The following DMD variants were observed in gnomAD, a reference collection of about 807,000 sequenced individuals.
DMD encodes dystrophin, also known as mutant dystrophin.
In DMD, 63 loss-of-function variants were observed where a neutral mutation model predicts 330.1. That is an observed-to-expected ratio of 0.19 (90% CI 0.16 to 0.24). DMD has a LOEUF of 0.24. Among genes scored for constraint, DMD ranks in the 10% least tolerant of loss-of-function variants. The probability of loss-of-function intolerance (pLI) is 1.00; values close to 1 mark genes in which losing one functional copy is unlikely to be tolerated. For missense variants in DMD, 3,344 were observed against 2,684.1 expected (o/e 1.25, Z -5.43); for synonymous variants, 1,223 against 959.8 (o/e 1.27, Z -5.07).
chrX:31,172,610 A>G (rs1284724857), intron 72 of DMD, among the ~76,000 whole-genome samples, 197 bp from the exon 73 acceptor site: 1 of 111,984 alleles, frequency 8.9e-6, no homozygotes, highest in South Asian at 3.7e-4. Context: ...GTAGCACTAC[A>G]TTTATGATAG....
chrX:33,108,358 T>G (rs2095309194), intron 1 of DMD, among the ~76,000 whole-genome samples: 1 of 110,917 alleles, frequency 9.0e-6, no homozygotes, highest in Non-Finnish European at 1.9e-5. Context: ...CCTCTGCCTC[T>G]CGGTTTCAAG....
At chrX:32,766,651 A>G (rs999455002) in intron 7 of DMD, among the ~76,000 whole-genome samples, 2 of 111,346 alleles carry the variant, frequency 1.8e-5, no homozygotes, top group African/African-American at 6.5e-5. Flanking sequence ...AGCTTATAAA[A>G]TTTTTGCATA....
In DMD at chrX:32,679,328, G is replaced by T. The variant is rs751982172; in HGVS notation, c.960+18542C>A. Among the ~76,000 whole-genome samples, 30 of 109,141 alleles carry T rather than the reference G, an allele frequency of 2.7e-4. No individual in the cohort carries two copies. The East Asian group carries it at 2.8e-3, about 10-fold the overall frequency. The allele number at this position is 109,141 out of a possible 115,157, so 94.8% of individuals were successfully genotyped here. ...AAAAACAATAGAAAATAGTAACAAC[G>T]AGGTTTTGGTTTTTTTTTTTGTGAA... On this transcript the variant is annotated intron_variant, in intron 9 of 78. Coordinates refer to ENST00000357033, the MANE Select transcript of DMD (RefSeq NM_004006.3).
intron 60 of DMD, among the ~76,000 whole-genome samples, chrX:31,351,529 C>A (rs371831495): frequency 9.2e-6 from 1 of 108,968 alleles, no homozygotes; most frequent in African/African-American, 3.4e-5. Flanking sequence ...AGTTCGAGAC[C>A]GGTCTGGCCA....
chrX:32,787,239 TGTGTGTGTGA>T (rs759365332), intron 7 of DMD, among the ~76,000 whole-genome samples: 3,397 of 101,966 alleles, frequency 0.033, 73 homozygotes, highest in Middle Eastern at 0.063. Flanking sequence ...TGTGTGTGTG[TGTGTGTGTGA>T]GAGAGAGAGA....
intron 7 of DMD, among the ~76,000 whole-genome samples, chrX:32,721,776 G>A (rs2066344883): frequency 9.0e-6 from 1 of 110,714 alleles, no homozygotes. Flanking sequence ...GACTGTCAGA[G>A]AGCTTTTTCC....
intron 45 of DMD, among the ~76,000 whole-genome samples, chrX:31,951,143 G>GTATGTATATATA (rs1569521262): frequency 1.3e-4 from 10 of 74,323 alleles, no homozygotes; most frequent in African/African-American, 6.2e-4. Context: ...ATATATATGT[G>GTATGTATATATA]TATATATATA....
intron 44 of DMD, among the ~76,000 whole-genome samples, chrX:32,120,086 A>C (rs1043366787): frequency 8.9e-6 from 1 of 112,308 alleles, no homozygotes; most frequent in African/African-American, 3.2e-5. Flanking sequence ...CAGACATTAA[A>C]TTTTCAGAAG....
chrX:31,366,551 CTT>C (rs1412148708), intron 60 of DMD, among the ~76,000 whole-genome samples: 3 of 67,024 alleles, frequency 4.5e-5, no homozygotes, highest in Non-Finnish European at 8.5e-5. Context: ...AGAAAAAAAA[CTT>C]AAGTAGGAGG....
chrX:32,151,921 T>C (rs2096805600), intron 44 of DMD, among the ~76,000 whole-genome samples: 1 of 111,987 alleles, frequency 8.9e-6, no homozygotes, highest in African/African-American at 3.2e-5. Flanking sequence ...AATTCTATAC[T>C]GACATAGTAT....
At chrX:33,056,669 C>A (rs967244758) in intron 1 of DMD, among the ~76,000 whole-genome samples, 1 of 111,183 alleles carries the variant, frequency 9.0e-6, no homozygotes, top group Non-Finnish European at 1.9e-5. Flanking sequence ...GGCCCCCCTG[C>A]GCTTTTTATA....
chrX:31,685,713 T>G (rs985909067), intron 52 of DMD, among the ~76,000 whole-genome samples: 30 of 112,007 alleles, frequency 2.7e-4, no homozygotes, highest in African/African-American at 9.7e-4. Flanking sequence ...ACTGCAAACC[T>G]GAGAGATTTT....
intron 44 of DMD, among the ~76,000 whole-genome samples, chrX:32,213,024 T>C (rs1384993756): frequency 8.9e-6 from 1 of 112,131 alleles, no homozygotes; most frequent in East Asian, 2.8e-4. Flanking sequence ...GTGAAAAAAA[T>C]ATGATGCAAT....
intron 9 of DMD, among the ~76,000 whole-genome samples, chrX:32,680,857 C>T (rs1362563552): frequency 9.0e-6 from 1 of 111,316 alleles, no homozygotes; most frequent in Non-Finnish European, 1.9e-5. Flanking sequence ...AGAAAACCCT[C>T]AGGCTACGCC....
At chrX:31,654,632 A>C (rs1277155563) in intron 54 of DMD, among the ~76,000 whole-genome samples, 1 of 111,807 alleles carries the variant, frequency 8.9e-6, no homozygotes, top group Non-Finnish European at 1.9e-5. Flanking sequence ...TCTGGAGGCC[A>C]TTGTCCTTAT....
intron 61 of DMD, among the ~76,000 whole-genome samples, chrX:31,332,074 C>T (rs1032297781): frequency 1.4e-4 from 16 of 112,259 alleles, no homozygotes; most frequent in African/African-American, 5.2e-4. Flanking sequence ...CAGTGTGCTT[C>T]CTAGCTCCTT....
Position 32,738,673 on chromosome X carries a change from T to G in DMD, c.650-39380A>C, listed in dbSNP as rs184794809. ...TAAAACTAGGAGACTGAAAACTTCT[T>G]CTACATGTTCACTTGTCACCCGTCT... On this transcript the variant is annotated intron_variant, in intron 7 of 78. Transcript: ENST00000357033. Among the ~76,000 whole-genome samples, 6,998 of 108,174 alleles carry G rather than the reference T, an allele frequency of 0.065. 3 individuals are homozygous for G. Among genetic ancestry groups the G allele is most frequent in the African/African-American group, 0.24 (6,568 of 27,486 alleles). The allele number at this position is 108,174 out of a possible 115,157, so 93.9% of individuals were successfully genotyped here.
chrX:32,391,324 T>A (rs1020909819), intron 30 of DMD, among the ~76,000 whole-genome samples: 22 of 111,615 alleles, frequency 2.0e-4, no homozygotes, highest in African/African-American at 6.5e-4. Flanking sequence ...GAGTAAATTC[T>A]GATACATATC....
chrX:32,930,401 T>A (rs2089479436), intron 2 of DMD, among the ~76,000 whole-genome samples: 1 of 110,548 alleles, frequency 9.0e-6, no homozygotes, highest in South Asian at 3.8e-4. Context: ...TTATTATTAT[T>A]ATTAGGTCTA....
Sources: allele counts gnomAD v4.1 joint callset (sites outside exome capture counted in the v4.1 genomes callset), GRCh38; gene constraint gnomAD v4.1.1; transcripts MANE v1.5; gene names NCBI Gene and HGNC (gene_info 2026-07-23, HGNC 2026-07-21).